Variants in NKAIN3 observed in about 807,000 individuals in gnomAD.
NKAIN3 encodes sodium/potassium-transporting ATPase subunit beta-1-interacting protein 3.
NKAIN3 carries 25 observed loss-of-function variants against 30.2 expected under a neutral mutation model. That is an observed-to-expected ratio of 0.83 (90% CI 0.60 to 1.16). The LOEUF (loss-of-function observed/expected upper bound fraction) is 1.16. Ranked by LOEUF, NKAIN3 falls within the 50% of genes most tolerant of loss-of-function variation. The probability of loss-of-function intolerance (pLI) is 0.00; values close to 1 mark genes in which losing one functional copy is unlikely to be tolerated. For missense variants in NKAIN3, 225 were observed against 254.1 expected, an observed-to-expected ratio of 0.89 and a Z score of 0.78; for synonymous variants, 91 against 89.6, an observed-to-expected ratio of 1.02 and a Z score of -0.09.
intron 3 of NKAIN3, among the ~76,000 whole-genome samples, chr8:62,701,884 G>A (rs376255417): frequency 2.6e-5 from 4 of 152,100 alleles, no homozygotes; most frequent in African/African-American, 9.7e-5. Flanking sequence ...CGAACTCCGG[G>A]GGCTGAAGTC....
At chr8:62,468,462 C>T (rs1281497901) in intron 1 of NKAIN3, among the ~76,000 whole-genome samples, 1 of 152,108 alleles carries the variant, frequency 6.6e-6, no homozygotes, top group African/African-American at 2.4e-5. Flanking sequence ...AAGAGCTCAC[C>T]AGGGAGCAAT....
intron 1 of NKAIN3, among the ~76,000 whole-genome samples, chr8:62,378,636 CA>C (rs1033250789): frequency 6.6e-6 from 1 of 152,188 alleles, no homozygotes; most frequent in Non-Finnish European, 1.5e-5. Context: ...TCAGGGAGTG[CA>C]AGCCCCAAGC....
At chr8:62,895,532 T>C (rs1012146436) in intron 4 of NKAIN3, among the ~76,000 whole-genome samples, 1 of 152,144 alleles carries the variant, frequency 6.6e-6, no homozygotes, top group Non-Finnish European at 1.5e-5. Context: ...AGAAGCAGTA[T>C]GCACATTTAG....
rs1823918808 is a variant in NKAIN3, at chr8:62,975,349, T to A, written c.*9942T>A. ...ACTGCCTCAATTTCAGAACTTGTTA[T>A]TGGTCTATTCAGGGATTCAACTTCT... is the stretch of plus-strand genomic sequence containing the variant. On this transcript the variant is annotated 3_prime_UTR_variant, in exon 7 of 7. Coordinates refer to ENST00000623646, the MANE Select transcript of NKAIN3 (RefSeq NM_001304533.3). 6.6e-6 allele frequency among the ~76,000 whole-genome samples: 1 copy of A among 152,168 alleles called. No homozygotes were observed. Among genetic ancestry groups the A allele is most frequent in the Non-Finnish European group, 1.5e-5 (1 of 68,020 alleles).
intron 3 of NKAIN3, among the ~76,000 whole-genome samples, chr8:62,650,820 G>A (rs1395341695): frequency 1.3e-5 from 2 of 151,858 alleles, no homozygotes; most frequent in Non-Finnish European, 2.9e-5. Flanking sequence ...GGTCAGTCCT[G>A]GTGCCATATT....
At chr8:62,835,488 C>T (rs1162192977) in intron 4 of NKAIN3, among the ~76,000 whole-genome samples, 2 of 151,190 alleles carry the variant, frequency 1.3e-5, no homozygotes, top group African/African-American at 4.8e-5. Context: ...AAAAGCAATT[C>T]AACAAGCAAA....
intron 1 of NKAIN3, among the ~76,000 whole-genome samples, chr8:62,418,051 C>T (rs1055758538): frequency 1.3e-5 from 2 of 152,170 alleles, no homozygotes; most frequent in Non-Finnish European, 2.9e-5. Flanking sequence ...GTGCTTCACA[C>T]CTCACTCACC....
intron 4 of NKAIN3, among the ~76,000 whole-genome samples, chr8:62,904,334 T>C (rs928507245): frequency 6.6e-6 from 1 of 152,230 alleles, no homozygotes; most frequent in Non-Finnish European, 1.5e-5. Context: ...GCATTTTTGA[T>C]ATCTTTCAAG....
At position 62,410,629 on chromosome 8, in the gene NKAIN3, TA is replaced by T. The variant is rs919841458; in HGVS notation, c.54+161510del. 5.3e-5 allele frequency among the ~76,000 whole-genome samples: 8 copies of T among 150,844 alleles called. No homozygotes were observed. In the East Asian group the frequency reaches 5.9e-4, roughly 11 times the overall value. ...ATAAACCACTAGCTAGATTAACAAA[TA>T]AAAAAAAGATAAGATCCAAATAAGT... On this transcript the variant is annotated intron_variant, in intron 1 of 6. Coordinates refer to ENST00000623646, the MANE Select transcript of NKAIN3 (RefSeq NM_001304533.3).
At chr8:62,734,109 T>A (rs538319286) in intron 3 of NKAIN3, among the ~76,000 whole-genome samples, 1 of 152,194 alleles carries the variant, frequency 6.6e-6, no homozygotes, top group South Asian at 2.1e-4. Context: ...TAGTGGGACT[T>A]CGTCTCTAAA....
At chr8:62,902,220 C>T (rs149986469) in intron 4 of NKAIN3, among the ~76,000 whole-genome samples, 213 of 152,290 alleles carry the variant, frequency 1.4e-3, no homozygotes, top group African/African-American at 4.9e-3. Flanking sequence ...TCCTGAAATA[C>T]TGAGGGTGCC....
intron 3 of NKAIN3, among the ~76,000 whole-genome samples, chr8:62,645,656 G>A (rs1812438649): frequency 6.6e-6 from 1 of 152,036 alleles, no homozygotes; most frequent in African/African-American, 2.4e-5. Context: ...AAGCTCAAAG[G>A]TCTTCTCTTA....
chr8:62,262,684 A>G (rs1186982815), intron 1 of NKAIN3, among the ~76,000 whole-genome samples: 1 of 152,138 alleles, frequency 6.6e-6, no homozygotes, highest in Admixed American at 6.6e-5. Flanking sequence ...GTGGTTGGAA[A>G]TACACAGATG....
At chr8:62,381,394 T>C (rs534654306) in intron 1 of NKAIN3, among the ~76,000 whole-genome samples, 22 of 152,184 alleles carry the variant, frequency 1.4e-4, no homozygotes, top group Non-Finnish European at 3.2e-4. Context: ...ATCTTCTTTA[T>C]AAAGGGATGC....
intron 4 of NKAIN3, among the ~76,000 whole-genome samples, chr8:62,795,604 T>C (rs1586203266): frequency 6.6e-6 from 1 of 152,220 alleles, no homozygotes; most frequent in East Asian, 1.9e-4. Context: ...TTGTCTTTTT[T>C]TTTAGCTCTA....
intron 1 of NKAIN3, among the ~76,000 whole-genome samples, chr8:62,277,516 G>A (rs1242262178): frequency 2.6e-5 from 4 of 152,078 alleles, no homozygotes; most frequent in Non-Finnish European, 5.9e-5. Flanking sequence ...GCGTAAGAAA[G>A]GTGAGTCATT....
rs1823986306 is a variant in NKAIN3, at chr8:62,978,155, C to G, written c.*12748C>G. On this transcript the variant is annotated 3_prime_UTR_variant, in exon 7 of 7. Coordinates refer to ENST00000623646, the MANE Select transcript of NKAIN3 (RefSeq NM_001304533.3). The stretch of plus-strand genomic sequence containing the variant: ...TCCTGTATGAAGTGTCTGTCGACCC[C>G]TGTTGGGAGATGTCTCCCCATCAGG... The G allele has an allele frequency of 6.5e-6, 1 of 154,030 alleles. No homozygotes were observed. Among genetic ancestry groups the G allele is most frequent in the Admixed American group, 6.5e-5 (1 of 15,310 alleles). 9.5% of individuals were successfully genotyped at this position (154,030 alleles called of 1,614,324 possible).
intron 1 of NKAIN3, chr8:62,483,672 C>A: frequency 4.0e-6 from 1 of 252,256 alleles, no homozygotes; most frequent in Non-Finnish European, 7.9e-6. Flanking sequence ...GCCGCCTTAT[C>A]CTATGGAGGT....
At chr8:62,335,575 G>GACC (rs1365655590) in intron 1 of NKAIN3, among the ~76,000 whole-genome samples, 1 of 151,840 alleles carries the variant, frequency 6.6e-6, no homozygotes, top group East Asian at 1.9e-4. Flanking sequence ...TCCATCTGAA[G>GACC]ACCTGTAGAC....
Sources: gnomAD v4.1 joint callset for allele counts (sites outside exome capture counted in the v4.1 genomes callset) on GRCh38, gnomAD v4.1.1 for gene constraint, MANE v1.5 for transcripts, NCBI Gene and HGNC (gene_info 2026-07-23, HGNC 2026-07-21) for gene names.